CHST9: variants seen among roughly 807,000 people sequenced by gnomAD.
CHST9 encodes carbohydrate sulfotransferase 9.
In CHST9, 41 loss-of-function variants were observed where a neutral mutation model predicts 44.4. The observed-to-expected ratio is 0.92, with a 90% confidence interval of 0.72 to 1.20. The LOEUF (loss-of-function observed/expected upper bound fraction) is 1.20. Among genes scored for constraint, CHST9 ranks in the 50% most tolerant of loss-of-function variants. The pLI, the probability that CHST9 is intolerant of heterozygous loss-of-function variation, is 0.00. For missense variants in CHST9, 504 were observed against 516.5 expected, an observed-to-expected ratio of 0.98 and a Z score of 0.23; for synonymous variants, 171 against 178.4, an observed-to-expected ratio of 0.96 and a Z score of 0.33.
Position 26,986,877 on chromosome 18 carries a change from A to C in CHST9, c.202+37239T>G, listed in dbSNP as rs2056760291. On this transcript the variant is annotated intron_variant, in intron 4 of 5. Coordinates refer to ENST00000618847, the MANE Select transcript of CHST9 (RefSeq NM_031422.6). ...AGGTTAAATAAAGATGTTTGTGTACATATAAAAATTGAAATAATTTATAGA... is the reference window on the plus strand; with the variant it reads ...AGGTTAAATAAAGATGTTTGTGTACCTATAAAAATTGAAATAATTTATAGA... Among the ~76,000 whole-genome samples the C allele has an allele frequency of 2.0e-5, 3 of 152,360 alleles. No homozygotes were observed. In the South Asian group the frequency reaches 6.2e-4, roughly 32 times the overall value.
At chr18:27,131,923 G>T (rs1037800800) in intron 2 of CHST9, among the ~76,000 whole-genome samples, 4 of 152,120 alleles carry the variant, frequency 2.6e-5, no homozygotes, top group Non-Finnish European at 5.9e-5. Context: ...TAACCTATAA[G>T]CCCTCACTTC....
chr18:26,957,294 T>C (rs1167840250), intron 4 of CHST9, among the ~76,000 whole-genome samples: 1 of 152,200 alleles, frequency 6.6e-6, no homozygotes, highest in Non-Finnish European at 1.5e-5. Flanking sequence ...TCATTCTCTG[T>C]CAAACCTCAG....
At position 26,916,614 on chromosome 18, in the gene CHST9, G is replaced by A. The variant is rs1402806081; in HGVS notation, c.977C>T (p.Ser326Phe). Residue 326 changes from serine (S) to phenylalanine (F), a missense_variant, in exon 6 of 6, where the codon TCT (serine) becomes TTT (phenylalanine). Transcript: ENST00000618847. ...GATAAACTCTTTGAACTTGACTCCA[G>A]ATCCATTAATTAATGCTTCTTCACA... ...NACEEALING[S>F]GVKFKEFIHY... 6.2e-7 allele frequency: 1 copy of A among 1,613,842 alleles called. No individual in the cohort carries two copies. Among genetic ancestry groups the A allele is most frequent in the East Asian group, 2.2e-5 (1 of 44,880 alleles).
At chr18:26,922,652 T>TA (rs71169892) in intron 5 of CHST9, among the ~76,000 whole-genome samples, 2 of 152,090 alleles carry the variant, frequency 1.3e-5, no homozygotes, top group South Asian at 2.1e-4. Context: ...TTTATTTATT[T>TA]TGAGATGGAA....
At chr18:27,035,653 G>C (rs186196022) in intron 3 of CHST9, among the ~76,000 whole-genome samples, 1 of 152,082 alleles carries the variant, frequency 6.6e-6, no homozygotes, top group Non-Finnish European at 1.5e-5. Context: ...TTGTGATGAC[G>C]TGGATGGACT....
intron 2 of CHST9, among the ~76,000 whole-genome samples, chr18:27,083,593 G>A (rs527288974): frequency 2.0e-5 from 3 of 152,068 alleles, no homozygotes; most frequent in Non-Finnish European, 4.4e-5. Context: ...TGACCAATTT[G>A]CCATTTTATC....
At chr18:27,090,427 C>T (rs2058057018) in intron 2 of CHST9, among the ~76,000 whole-genome samples, 1 of 152,104 alleles carries the variant, frequency 6.6e-6, no homozygotes, top group African/African-American at 2.4e-5. Context: ...GTTTCTTTTG[C>T]TGTGCAGAAG....
intron 1 of CHST9, among the ~76,000 whole-genome samples, chr18:27,171,083 A>G (rs1408716374): frequency 6.6e-6 from 1 of 152,206 alleles, no homozygotes; most frequent in African/African-American, 2.4e-5. Flanking sequence ...ATCACAACAC[A>G]GTGTTAGGGG....
chr18:27,004,991 A>G (rs1197120299), intron 4 of CHST9, among the ~76,000 whole-genome samples: 2 of 152,218 alleles, frequency 1.3e-5, no homozygotes, highest in East Asian at 3.8e-4. Flanking sequence ...CTTTTAATTC[A>G]GTTTGTGAAA....
At chr18:26,920,163 T>C (rs1214507779) in intron 5 of CHST9, among the ~76,000 whole-genome samples, 2 of 152,172 alleles carry the variant, frequency 1.3e-5, no homozygotes, top group Non-Finnish European at 2.9e-5. Flanking sequence ...ACAGAGGAGC[T>C]CTCCACTTCA....
At chr18:27,051,465 G>C (rs1392631298) in intron 2 of CHST9, among the ~76,000 whole-genome samples, 1 of 152,058 alleles carries the variant, frequency 6.6e-6, no homozygotes, top group Non-Finnish European at 1.5e-5. Flanking sequence ...CTTTCTTTTG[G>C]ATCACTCCCT....
At chr18:26,931,148 T>A (rs2055871253) in intron 5 of CHST9, among the ~76,000 whole-genome samples, 1 of 152,182 alleles carries the variant, frequency 6.6e-6, no homozygotes, top group South Asian at 2.1e-4. Context: ...GAGATACACA[T>A]ATCATAAAGC....
chr18:27,153,681 T>C (rs2143905380), intron 1 of CHST9, among the ~76,000 whole-genome samples: 1 of 152,076 alleles, frequency 6.6e-6, no homozygotes, highest in East Asian at 1.9e-4. Flanking sequence ...TTTGAGATCC[T>C]TAACTTAATT....
At chr18:27,064,510 C>T (rs558809915) in intron 2 of CHST9, among the ~76,000 whole-genome samples, 4 of 152,322 alleles carry the variant, frequency 2.6e-5, no homozygotes, top group Admixed American at 2.6e-4. Flanking sequence ...GTTCGAACTC[C>T]AGATTTTGTT....
chr18:27,061,906 A>G (rs532900270), intron 2 of CHST9, among the ~76,000 whole-genome samples: 2 of 152,314 alleles, frequency 1.3e-5, no homozygotes, highest in East Asian at 1.9e-4. Flanking sequence ...GAATGCAAGC[A>G]TGTCGAAACC....
chr18:27,040,717 T>A (rs1373394512), intron 3 of CHST9, among the ~76,000 whole-genome samples: 1 of 152,208 alleles, frequency 6.6e-6, no homozygotes, highest in African/African-American at 2.4e-5. Context: ...TGACATACAT[T>A]CACTTTAGAA....
At chr18:27,170,401 T>C (rs2058825440) in intron 1 of CHST9, among the ~76,000 whole-genome samples, 1 of 152,180 alleles carries the variant, frequency 6.6e-6, no homozygotes, top group Non-Finnish European at 1.5e-5. Flanking sequence ...AATTGTGTCA[T>C]GAATGTGAAA....
chr18:26,957,566 CA>C (rs200839830), intron 4 of CHST9, among the ~76,000 whole-genome samples: 10,518 of 141,616 alleles, frequency 0.074, 438 homozygotes, highest in South Asian at 0.14. Context: ...AACTACACTG[CA>C]AAAAAAAAAA....
intron 4 of CHST9, among the ~76,000 whole-genome samples, chr18:26,969,372 CTCTCTGTGTGTGTGTG>C (rs948879737): frequency 5.1e-4 from 62 of 122,114 alleles, no homozygotes; most frequent in South Asian, 2.7e-3. Flanking sequence ...CTCTCTCTCT[CTCTCTGTGTGTGTGTG>C]TGTGTGTGTG....
Sources: allele counts gnomAD v4.1 joint callset (sites outside exome capture counted in the v4.1 genomes callset), GRCh38; gene constraint gnomAD v4.1.1; transcripts MANE v1.5; gene names NCBI Gene and HGNC (gene_info 2026-07-23, HGNC 2026-07-21).